SMOC1: variants seen among roughly 807,000 people sequenced by gnomAD.
The protein encoded by SMOC1 is SPARC related modular calcium binding 1.
In SMOC1, 22 loss-of-function variants were observed where a neutral mutation model predicts 56.3. The ratio of observed to expected loss-of-function variants is 0.39; its 90% CI spans 0.28 to 0.56. The LOEUF (loss-of-function observed/expected upper bound fraction) is 0.56, where lower values mean the gene tolerates loss of function less well. Ranked by LOEUF, SMOC1 falls within the 20% of genes least tolerant of loss-of-function variation. The pLI is 0.61. For missense variants in SMOC1, 509 were observed against 565.4 expected (o/e 0.90, Z 1.01); for synonymous variants, 193 against 215.0 (o/e 0.90, Z 0.89).
At chr14:70,017,003 A>G (rs1395182877) in intron 10 of SMOC1, among the ~76,000 whole-genome samples, 4 of 152,232 alleles carry the variant, frequency 2.6e-5, no homozygotes, top group African/African-American at 9.6e-5. Context: ...TTTAAGTTCT[A>G]TGAGAGAAGA....
chr14:69,918,831 C>G (rs912767692), intron 1 of SMOC1, among the ~76,000 whole-genome samples: 1 of 152,212 alleles, frequency 6.6e-6, no homozygotes, highest in Non-Finnish European at 1.5e-5. Context: ...AAGAACAAAG[C>G]TTCTCTGTCC....
chr14:69,925,906 G>C (rs1437034948), intron 1 of SMOC1, among the ~76,000 whole-genome samples: 1 of 152,152 alleles, frequency 6.6e-6, no homozygotes, highest in African/African-American at 2.4e-5. Context: ...ACGAAAGACA[G>C]ACACATCTGG....
chr14:69,903,044 T>C (rs1415267965), intron 1 of SMOC1, among the ~76,000 whole-genome samples: 1 of 152,116 alleles, frequency 6.6e-6, no homozygotes, highest in African/African-American at 2.4e-5. Context: ...CGCCACCCCG[T>C]CTGGGAAGTG....
intron 1 of SMOC1, among the ~76,000 whole-genome samples, chr14:69,934,347 A>G (rs1157803040): frequency 6.6e-6 from 1 of 152,158 alleles, no homozygotes; most frequent in African/African-American, 2.4e-5. Context: ...ATCCATCTCC[A>G]TCCACCGAGG....
At chr14:69,944,441 A>G (rs1292116534) in intron 1 of SMOC1, among the ~76,000 whole-genome samples, 3 of 152,210 alleles carry the variant, frequency 2.0e-5, no homozygotes, top group Non-Finnish European at 4.4e-5. Context: ...GCATACATGT[A>G]TGGATTGTTC....
chr14:69,945,959 G>A (rs1882766038), intron 1 of SMOC1, among the ~76,000 whole-genome samples: 1 of 152,212 alleles, frequency 6.6e-6, no homozygotes, highest in Non-Finnish European at 1.5e-5. Context: ...TATTGGTTAA[G>A]TCAGCATTAT....
chr14:70,023,623 G>A (rs187140974), intron 11 of SMOC1, among the ~76,000 whole-genome samples, 176 bp downstream of exon 11: 6 of 152,272 alleles, frequency 3.9e-5, no homozygotes, highest in Middle Eastern at 3.4e-3. Context: ...GACTGATAAG[G>A]TCCCTATCCT....
intron 1 of SMOC1, among the ~76,000 whole-genome samples, chr14:69,895,673 C>T (rs1353098768): frequency 6.6e-6 from 1 of 152,146 alleles, no homozygotes; most frequent in Non-Finnish European, 1.5e-5. Context: ...GAACAGAGAT[C>T]AGGATGCATC....
At chr14:70,004,328 AGTT>A (rs1885074603) in intron 7 of SMOC1, among the ~76,000 whole-genome samples, 1 of 152,220 alleles carries the variant, frequency 6.6e-6, no homozygotes, top group African/African-American at 2.4e-5. Flanking sequence ...CATCCTGCCC[AGTT>A]GTTTGGCCAA....
intron 7 of SMOC1, among the ~76,000 whole-genome samples, chr14:69,997,061 T>C (rs1884792950): frequency 6.6e-6 from 1 of 152,252 alleles, no homozygotes; most frequent in Non-Finnish European, 1.5e-5. Context: ...ATATTTATTA[T>C]CTGACCCTTT....
rs748448079 is a variant in SMOC1, at chr14:70,011,529, C to T, written c.902C>T (p.Thr301Ile). The T allele has an allele frequency of 2.5e-6, 4 of 1,580,324 alleles. No individual in the cohort carries two copies. Among genetic ancestry groups the T allele is most frequent in the African/African-American group, 1.4e-5 (1 of 72,816 alleles). ...GAGAGCGACGCCAGGGCCAAGACTA[C>T]AGAGGCGGATGACCCCTTCAAGGAC... ...SCESDARAKT[T>I]EADDPFKDRE... is the part of the protein sequence containing the mutation. Residue 301 changes from threonine (T) to isoleucine (I), a missense_variant, in exon 9 of 12, where the codon ACA becomes ATA. Physicochemically the swap from Thr to Ile is moderately conservative, Grantham distance 89 (BLOSUM62 -1). This residue lies in a region of SMOC1 where 176 missense variants were observed against 188.1 expected (regional missense o/e 0.94). Coordinates refer to ENST00000361956, the MANE Select transcript of SMOC1 (RefSeq NM_001034852.3).
intron 1 of SMOC1, among the ~76,000 whole-genome samples, chr14:69,949,760 C>T (rs185554589): frequency 6.6e-5 from 10 of 152,088 alleles, no homozygotes; most frequent in Non-Finnish European, 1.5e-4. Flanking sequence ...CAAGGGGGAG[C>T]AGGGAAGAGA....
intron 1 of SMOC1, among the ~76,000 whole-genome samples, chr14:69,934,222 T>G (rs1885240184): frequency 6.6e-6 from 1 of 152,110 alleles, no homozygotes; most frequent in Non-Finnish European, 1.5e-5. Flanking sequence ...CAGCACCCCT[T>G]TCTTTGCTGT....
intron 10 of SMOC1, among the ~76,000 whole-genome samples, chr14:70,014,080 C>T (rs1053565498): frequency 8.5e-5 from 13 of 152,318 alleles, no homozygotes; most frequent in South Asian, 2.1e-4. Flanking sequence ...TGAGTTTGGG[C>T]CCATTAGGCC....
intron 1 of SMOC1, among the ~76,000 whole-genome samples, chr14:69,913,008 G>T (rs897479378): frequency 6.6e-6 from 1 of 152,180 alleles, no homozygotes; most frequent in Non-Finnish European, 1.5e-5. Context: ...TAGAAAGTGG[G>T]AGGAACGATG....
intron 1 of SMOC1, among the ~76,000 whole-genome samples, chr14:69,895,641 C>T (rs1438092081): frequency 1.3e-5 from 2 of 152,154 alleles, no homozygotes; most frequent in South Asian, 2.1e-4. Flanking sequence ...GGAAAACCTT[C>T]GGGAAGATTG....
At chr14:69,937,452 G>T (rs568044297) in intron 1 of SMOC1, among the ~76,000 whole-genome samples, 1 of 152,270 alleles carries the variant, frequency 6.6e-6, no homozygotes, top group Non-Finnish European at 1.5e-5. Flanking sequence ...GGTTTGCTTT[G>T]GTTTTCCACT....
intron 3 of SMOC1, among the ~76,000 whole-genome samples, chr14:69,974,982 G>T (rs1458483398): frequency 6.6e-6 from 1 of 152,126 alleles, no homozygotes; most frequent in Non-Finnish European, 1.5e-5. Flanking sequence ...GTCTCTGCTT[G>T]TTAAAGAAAT....
At chr14:69,920,738 C>A (rs1884817958) in intron 1 of SMOC1, among the ~76,000 whole-genome samples, 1 of 152,176 alleles carries the variant, frequency 6.6e-6, no homozygotes, top group African/African-American at 2.4e-5. Flanking sequence ...CAAAGGAGAT[C>A]TGCTTTGCCT....
Sources: allele counts gnomAD v4.1 joint callset (sites outside exome capture counted in the v4.1 genomes callset), GRCh38; gene constraint gnomAD v4.1.1; regional missense constraint gnomAD v4.1.1; transcripts MANE v1.5; gene names NCBI Gene and HGNC (gene_info 2026-07-23, HGNC 2026-07-21).